Variants in ZNF91 observed in about 807,000 individuals in gnomAD.
ZNF91 encodes zinc finger protein 91, also known as zinc finger protein 91 (HPF7, HTF10).
ZNF91 carries 7 observed loss-of-function variants against 12.6 expected under a neutral mutation model. That is an observed-to-expected ratio of 0.55 (90% confidence interval 0.31 to 1.04). ZNF91 has a LOEUF of 1.04. ZNF91 is among the 50% of genes least tolerant of loss of function. ZNF91 has a pLI of 0.05. For synonymous variants in ZNF91, 453 were observed against 462.6 expected, an observed-to-expected ratio of 0.98 and a Z score of 0.27; for missense variants, 1,217 against 1,385.4, an observed-to-expected ratio of 0.88 and a Z score of 1.93.
intron 3 of ZNF91, among the ~76,000 whole-genome samples, chr19:23,370,295 C>T (rs1198442894): frequency 1.3e-5 from 2 of 151,352 alleles, no homozygotes; most frequent in East Asian, 3.9e-4. Flanking sequence ...AAACTAGTAA[C>T]GAAACGATAA....
At chr19:23,311,535 A>C (rs2145843436), upstream of ZNF91, among the ~76,000 whole-genome samples, 1 of 152,006 alleles carries the variant, frequency 6.6e-6, no homozygotes, top group Middle Eastern at 3.4e-3. Flanking sequence ...TGGGCCCTGG[A>C]TATTTAGGGT....
intron 1 of ZNF91, among the ~76,000 whole-genome samples, chr19:23,379,163 C>A (rs896284588): frequency 2.6e-5 from 4 of 152,132 alleles, no homozygotes; most frequent in Non-Finnish European, 2.9e-5. Flanking sequence ...AATAAGCCAG[C>A]AAGAGAGACT....
Position 23,361,181 on chromosome 19 carries a change from T to C in ZNF91, c.1798A>G (p.Lys600Glu), listed in dbSNP as rs758162174. Residue 600 changes from lysine (K) to glutamate (E), a missense_variant, in exon 4 of 4, where the codon AAG becomes GAG. Physicochemically the swap from Lys to Glu is moderately conservative, Grantham distance 56. This residue lies in a region of ZNF91 where 726 missense variants were observed against 895.5 expected (regional missense o/e 0.81). Transcript: ENST00000300619. ...CCACATTCTTCACACTTGTAAGACT[T>C]CTCTCCAGTATGAATTATCTTATGT... ...STHKIIHTGEKSYKCEECGKA... is the reference protein window; with the variant it reads ...STHKIIHTGEESYKCEECGKA... The C allele has an allele frequency of 6.2e-7, 1 of 1,613,598 alleles. No individual in the cohort carries two copies. The highest frequency in any genetic ancestry group is 8.5e-7 in the Non-Finnish European group (1 of 1,179,800).
downstream of ZNF91, among the ~76,000 whole-genome samples, chr19:23,356,157 C>T (rs1476977193): frequency 1.3e-5 from 2 of 152,138 alleles, no homozygotes; most frequent in Admixed American, 6.6e-5. Flanking sequence ...ATCCAGCAAT[C>T]CCACTACTGA....
chr19:23,366,097 G>A (rs1032165165), intron 3 of ZNF91, among the ~76,000 whole-genome samples: 8 of 152,222 alleles, frequency 5.3e-5, no homozygotes, highest in Non-Finnish European at 7.3e-5. Context: ...CCTCCCAGAC[G>A]GGGTGGTGGC....
chr19:23,336,257 G>A (rs575984215), downstream of ZNF91, among the ~76,000 whole-genome samples: 1 of 152,314 alleles, frequency 6.6e-6, no homozygotes, highest in East Asian at 1.9e-4. Context: ...CTTGGTTTAG[G>A]AGCAGAGGTT....
At chr19:23,307,377 A>T (rs73018378) in exon 3 of ZNF91, 19,346 of 152,008 alleles carry the variant, frequency 0.13, 1,984 homozygotes, top group East Asian at 0.43. Flanking sequence ...AGGTGATATG[A>T]CCCTTCTCTC....
intron 1 of ZNF91, among the ~76,000 whole-genome samples, chr19:23,318,643 G>T (rs865904167): frequency 1.3e-5 from 2 of 148,928 alleles, no homozygotes; most frequent in Non-Finnish European, 3.0e-5. Flanking sequence ...TGCTTACTTG[G>T]TCTTTGCCAT....
At chr19:23,335,428 G>A (rs575727595), downstream of ZNF91, among the ~76,000 whole-genome samples, 10 of 152,346 alleles carry the variant, frequency 6.6e-5, no homozygotes, top group African/African-American at 2.2e-4. Flanking sequence ...CAGAGGCACA[G>A]TCTACAGAGG....
intron 3 of ZNF91, chr19:23,339,505 C>G (rs1315803398): frequency 6.6e-6 from 1 of 152,120 alleles, no homozygotes; most frequent in Non-Finnish European, 1.5e-5. Context: ...AGTATCCCCC[C>G]AAATCAAAAT....
At chr19:23,329,700 C>T (rs1967893403) in intron 1 of ZNF91, among the ~76,000 whole-genome samples, 1 of 152,160 alleles carries the variant, frequency 6.6e-6, no homozygotes, top group South Asian at 2.1e-4. Context: ...CTACCTACCC[C>T]TAAGCAGTCC....
chr19:23,384,827 C>A (rs939694208), intron 1 of ZNF91: 3 of 709,966 alleles, frequency 4.2e-6, no homozygotes, highest in Non-Finnish European at 7.8e-6. Flanking sequence ...GAAACACCCT[C>A]CTCAGTGGTC....
At chr19:23,365,100 G>T (rs766657118) in intron 3 of ZNF91, among the ~76,000 whole-genome samples, 1 of 150,870 alleles carries the variant, frequency 6.6e-6, no homozygotes, top group African/African-American at 2.4e-5. Flanking sequence ...CTTAGAAGAA[G>T]AATATGGGAA....
chr19:23,334,522 T>C (rs1228666584), downstream of ZNF91, among the ~76,000 whole-genome samples: 2 of 152,258 alleles, frequency 1.3e-5, no homozygotes, highest in African/African-American at 4.8e-5. Context: ...GCCCAGAATG[T>C]ATTGGCTGCC....
At chr19:23,349,768 T>C (rs1413587858) in intron 3 of ZNF91, among the ~76,000 whole-genome samples, 3 of 152,154 alleles carry the variant, frequency 2.0e-5, no homozygotes, top group Non-Finnish European at 4.4e-5. Flanking sequence ...CCAAGGCTAC[T>C]CCTTCCTCCA....
At chr19:23,388,258 A>T (rs1969942460) in intron 1 of ZNF91, among the ~76,000 whole-genome samples, 1 of 152,058 alleles carries the variant, frequency 6.6e-6, no homozygotes, top group Admixed American at 6.6e-5. Flanking sequence ...AAATAAAATA[A>T]AATATATAAT....
intron 3 of ZNF91, among the ~76,000 whole-genome samples, chr19:23,368,272 G>A (rs572326275): frequency 1.5e-4 from 23 of 152,004 alleles, no homozygotes; most frequent in Non-Finnish European, 2.9e-4. Context: ...AGCACTTTGG[G>A]AGGCTGAGAT....
At chr19:23,392,252 C>T (rs1275748317) in intron 1 of ZNF91, among the ~76,000 whole-genome samples, 2 of 151,524 alleles carry the variant, frequency 1.3e-5, no homozygotes, top group African/African-American at 2.4e-5. Flanking sequence ...ACAAATTAGC[C>T]GGGCGTTGTG....
intron 1 of ZNF91, among the ~76,000 whole-genome samples, chr19:23,375,303 G>A (rs1479975784): frequency 6.6e-6 from 1 of 152,050 alleles, no homozygotes; most frequent in Non-Finnish European, 1.5e-5. Flanking sequence ...GGGACTACAG[G>A]TGCCCACCAC....
Sources: gnomAD v4.1 joint callset for allele counts (sites outside exome capture counted in the v4.1 genomes callset) on GRCh38, gnomAD v4.1.1 for gene constraint, gnomAD v4.1.1 regional missense constraint, MANE v1.5 for transcripts, NCBI Gene and HGNC (gene_info 2026-07-23, HGNC 2026-07-21) for gene names.